JAK2: variants seen among roughly 807,000 people sequenced by gnomAD.
JAK2 encodes Janus kinase 2.
Under a neutral mutation model 139.3 loss-of-function variants are expected in JAK2, and 86 were observed. The ratio of observed to expected loss-of-function variants is 0.62; its 90% CI spans 0.52 to 0.74. JAK2 has a LOEUF of 0.74. Among genes scored for constraint, JAK2 ranks in the 30% least tolerant of loss-of-function variants. The pLI, the probability that JAK2 is intolerant of heterozygous loss-of-function variation, is 0.00. For synonymous variants in JAK2, 490 were observed against 437.7 expected (o/e 1.12, Z -1.49); for missense variants, 1,421 against 1,360.3 (o/e 1.04, Z -0.70).
At chr9:5,063,791 T>C (rs1344582479) in intron 8 of JAK2, among the ~76,000 whole-genome samples, 1 of 152,262 alleles carries the variant, frequency 6.6e-6, no homozygotes, top group African/African-American at 2.4e-5. Context: ...TGTAAAAATA[T>C]AATACGTCTA....
intron 2 of JAK2, among the ~76,000 whole-genome samples, chr9:4,987,286 G>C (rs957896892): frequency 6.6e-6 from 1 of 152,154 alleles, no homozygotes. Flanking sequence ...GGTGATTTGA[G>C]ACAGGTGTCT....
In JAK2 at chr9:5,064,887, T is replaced by C. The variant is rs371907546; in HGVS notation, c.1061T>C (p.Ile354Thr). ...IHKQDGKNLE[I>T]ELSSLREALS... is the part of the protein sequence containing the mutation. ...CTTTTTCTTTTCTCTGCTTAGGAAA[T>C]TGAACTTAGCTCATTAAGGGAAGCT... is the stretch of plus-strand genomic sequence containing the variant. The change falls in exon 9 of 25, where the codon ATT becomes ACT. Residue 354 changes from isoleucine to threonine, a missense_variant. Coordinates refer to ENST00000381652, the MANE Select transcript of JAK2 (RefSeq NM_004972.4). The C allele has an allele frequency of 1.3e-4, 197 of 1,571,762 alleles. No individual in the cohort carries two copies. The highest frequency in any genetic ancestry group is 1.6e-4 in the Non-Finnish European group (184 of 1,159,878).
At chr9:5,093,363 CCTG>C in intron 22 of JAK2, among the ~76,000 whole-genome samples, 1 of 152,278 alleles carries the variant, frequency 6.6e-6, no homozygotes, top group African/African-American at 2.4e-5. Context: ...ACCACCATAT[CCTG>C]ACCTTGCAAA....
intron 7 of JAK2, among the ~76,000 whole-genome samples, chr9:5,055,347 A>T (rs1351455490): frequency 1.3e-5 from 2 of 151,962 alleles, no homozygotes; most frequent in African/African-American, 4.8e-5. Flanking sequence ...ATTTAGAGGG[A>T]TCATTTTTTA....
At chr9:5,021,138 C>A (rs1246501315) in intron 2 of JAK2, among the ~76,000 whole-genome samples, 1 of 152,166 alleles carries the variant, frequency 6.6e-6, no homozygotes, top group Non-Finnish European at 1.5e-5. Flanking sequence ...GCTCTCTAGG[C>A]TTCTGGCTGA....
chr9:5,006,908 T>C (rs1407288996), intron 2 of JAK2, among the ~76,000 whole-genome samples: 1 of 152,232 alleles, frequency 6.6e-6, no homozygotes, highest in Non-Finnish European at 1.5e-5. Context: ...ACTTCATTTG[T>C]TTTTAAATTG....
At chr9:4,990,640 A>G (rs1031932863) in intron 2 of JAK2, among the ~76,000 whole-genome samples, 1 of 152,106 alleles carries the variant, frequency 6.6e-6, no homozygotes, top group African/African-American at 2.4e-5. Context: ...ATTAGTGGAT[A>G]GGTTAGGAGG....
intron 14 of JAK2, among the ~76,000 whole-genome samples, chr9:5,077,202 A>G (rs1819365069): frequency 6.7e-6 from 1 of 150,348 alleles, no homozygotes. Context: ...GTGCTGGTAT[A>G]TTATATATTA....
At chr9:5,024,265 T>A (rs1230175834) in intron 3 of JAK2, among the ~76,000 whole-genome samples, 1 of 151,578 alleles carries the variant, frequency 6.6e-6, no homozygotes, top group Non-Finnish European at 1.5e-5. Context: ...CAAAAAAAAA[T>A]TTTTTTTTGG....
intron 13 of JAK2, 76 bp downstream of exon 13, chr9:5,072,702 A>C (rs1489894771): frequency 1.4e-5 from 15 of 1,085,806 alleles, no homozygotes; most frequent in East Asian, 5.7e-5. Context: ...CAACGTACTC[A>C]TGTGTGCAGC....
At chr9:5,025,778 T>A (rs1399382009) in intron 3 of JAK2, among the ~76,000 whole-genome samples, 1 of 152,194 alleles carries the variant, frequency 6.6e-6, no homozygotes, top group Non-Finnish European at 1.5e-5. Context: ...GTGATCCACC[T>A]GCCTCGGCCT....
chr9:5,109,936 A>C (rs1263207414), intron 22 of JAK2: 2 of 152,234 alleles, frequency 1.3e-5, no homozygotes, highest in Non-Finnish European at 2.9e-5. Context: ...ACTGGCTGAC[A>C]ATATGGCCGA....
intron 4 of JAK2, among the ~76,000 whole-genome samples, chr9:5,031,934 C>T (rs927246243): frequency 6.6e-6 from 1 of 152,226 alleles, no homozygotes. Flanking sequence ...GTGCAGCACA[C>T]TGAGCATGAG....
Position 5,123,989 on chromosome 9 carries a change from CTT to C in JAK2, c.3177+869_3177+870del, listed in dbSNP as rs1156446438. ...GTGATTAGCATTTTTTCATATGCCT[CTT>C]GTCAGTTTGGGTGTCTTCTTTTGAA... is the stretch of plus-strand genomic sequence containing the variant. On this transcript the variant is annotated intron_variant, in intron 23 of 24. Transcript: ENST00000381652. Among the ~76,000 whole-genome samples, 9 of 151,100 alleles carry C rather than the reference CTT, an allele frequency of 6.0e-5. No homozygotes were observed. The East Asian group carries it at 1.6e-3, about 26-fold the overall frequency.
chr9:5,052,533 A>C (rs1817488887), intron 6 of JAK2, among the ~76,000 whole-genome samples: 1 of 152,150 alleles, frequency 6.6e-6, no homozygotes, highest in Non-Finnish European at 1.5e-5. Flanking sequence ...TAAAATATAC[A>C]ATTTAATATT....
intron 2 of JAK2, among the ~76,000 whole-genome samples, chr9:4,998,275 G>C (rs1820704907): frequency 6.6e-6 from 1 of 152,010 alleles, no homozygotes; most frequent in African/African-American, 2.4e-5. Context: ...TGTTGTTGTT[G>C]AGATGGAGTC....
chr9:5,042,359 G>A (rs886340104), intron 4 of JAK2, among the ~76,000 whole-genome samples: 1 of 150,590 alleles, frequency 6.6e-6, no homozygotes, highest in Admixed American at 6.6e-5. Flanking sequence ...GGATGGTCTC[G>A]ATCTCCTGAC....
intron 11 of JAK2, among the ~76,000 whole-genome samples, chr9:5,069,447 T>C (rs1343483108): frequency 6.6e-6 from 1 of 152,204 alleles, no homozygotes; most frequent in Non-Finnish European, 1.5e-5. Flanking sequence ...ATGTGTGGTA[T>C]GATGTCATTT....
chr9:5,007,684 C>T (rs553341516), intron 2 of JAK2, among the ~76,000 whole-genome samples: 15 of 151,476 alleles, frequency 9.9e-5, no homozygotes, highest in African/African-American at 3.6e-4. Flanking sequence ...ATTACTTTTG[C>T]ACCAGTCTAA....
Sources: gnomAD v4.1 joint callset for allele counts (sites outside exome capture counted in the v4.1 genomes callset) on GRCh38, gnomAD v4.1.1 for gene constraint, MANE v1.5 for transcripts, NCBI Gene and HGNC (gene_info 2026-07-23, HGNC 2026-07-21) for gene names.